The following OSBPL6 variants were observed in gnomAD, a reference collection of about 807,000 sequenced individuals.
OSBPL6 encodes oxysterol-binding protein-related protein 6.
A neutral mutation model predicts 125.8 loss-of-function variants in OSBPL6; 49 were observed. The ratio of observed to expected loss-of-function variants is 0.39; its 90% CI spans 0.31 to 0.49. The LOEUF is 0.49. OSBPL6 is among the 20% of genes least tolerant of loss of function. The probability of loss-of-function intolerance (pLI) is 0.88; values close to 1 mark genes in which losing one functional copy is unlikely to be tolerated. For missense variants in OSBPL6, 986 were observed against 1,135.4 expected (o/e 0.87, Z 1.89); for synonymous variants, 394 against 391.8 (o/e 1.01, Z -0.07).
At chr2:178,372,021 T>TAAGAACA in intron 13 of OSBPL6, 105 bp from the exon 14 acceptor site, 1 of 799,756 alleles carries the variant, frequency 1.3e-6, no homozygotes, top group Non-Finnish European at 2.0e-6. Context: ...AAGTTAGAGC[T>TAAGAACA]AAGAACATCA....
At chr2:178,296,078 A>T (rs181978755) in intron 2 of OSBPL6, among the ~76,000 whole-genome samples, 43 of 152,296 alleles carry the variant, frequency 2.8e-4, no homozygotes, top group African/African-American at 9.9e-4. Flanking sequence ...GTGTTAGGCC[A>T]GTGAAGAATG....
intron 19 of OSBPL6, among the ~76,000 whole-genome samples, 163 bp downstream of exon 19, chr2:178,385,684 C>T (rs1361583691): frequency 6.6e-6 from 1 of 152,178 alleles, no homozygotes; most frequent in Non-Finnish European, 1.5e-5. Context: ...TTCCTGGTTT[C>T]AACATGAAAC....
At chr2:178,358,543 CA>C (rs1288011847) in intron 12 of OSBPL6, among the ~76,000 whole-genome samples, 1 of 152,010 alleles carries the variant, frequency 6.6e-6, no homozygotes, top group Non-Finnish European at 1.5e-5. Context: ...ACCAGATTTC[CA>C]CATGTAAAAG....
At chr2:178,294,903 TCTA>T (rs1685608996) in intron 2 of OSBPL6, among the ~76,000 whole-genome samples, 2 of 147,338 alleles carry the variant, frequency 1.4e-5, no homozygotes, top group South Asian at 4.3e-4. Context: ...ACATGTAAAA[TCTA>T]CTCTCTTAGC....
At chr2:178,344,229 TC>T (rs1690485574) in intron 11 of OSBPL6, 1 of 1,423,280 alleles carries the variant, frequency 7.0e-7, no homozygotes, top group Admixed American at 1.7e-5. Flanking sequence ...CCTCCCATCT[TC>T]CATCCTTTCC....
chr2:178,301,075 C>T (rs983609531), intron 2 of OSBPL6, among the ~76,000 whole-genome samples: 1 of 151,680 alleles, frequency 6.6e-6, no homozygotes, highest in Non-Finnish European at 1.5e-5. Context: ...ATTTTTTGAA[C>T]AATTCAACCT....
intron 1 of OSBPL6, among the ~76,000 whole-genome samples, chr2:178,264,649 A>G (rs1056135568): frequency 1.3e-5 from 2 of 152,216 alleles, no homozygotes; most frequent in Non-Finnish European, 2.9e-5. Context: ...GTGTATTTTC[A>G]GGCCCCTTAC....
chr2:178,290,237 A>G (rs1388971847), intron 2 of OSBPL6, among the ~76,000 whole-genome samples: 1 of 152,174 alleles, frequency 6.6e-6, no homozygotes, highest in African/African-American at 2.4e-5. Flanking sequence ...TACAGTTCAT[A>G]TAGGAAGGGC....
intron 1 of OSBPL6, among the ~76,000 whole-genome samples, chr2:178,267,452 C>T (rs919016152): frequency 1.3e-5 from 2 of 151,794 alleles, no homozygotes; most frequent in African/African-American, 4.8e-5. Flanking sequence ...TCACTTCTCC[C>T]ATACTCTTAA....
chr2:178,284,986 T>C lies in OSBPL6; in HGVS notation c.-291T>C, dbSNP rs62179164. 52,692 of 398,318 alleles carry C rather than the reference T, an allele frequency of 0.13. 3,977 individuals are homozygous for C. The highest frequency in any genetic ancestry group is 0.22 in the Admixed American group (5,067 of 22,702). 24.7% of individuals were successfully genotyped at this position (398,318 alleles called of 1,614,324 possible). Reference sequence around the variant, plus strand: ...GATATTAAGGAGCCACCCCTATAATTTACCCAGATAGCCCCAGCAAGGTCA... The same window carrying C: ...GATATTAAGGAGCCACCCCTATAATCTACCCAGATAGCCCCAGCAAGGTCA... On this transcript the variant is annotated 5_prime_UTR_variant, in exon 2 of 25. Transcript: ENST00000190611.
At chr2:178,236,156 A>G (rs926930620) in intron 1 of OSBPL6, among the ~76,000 whole-genome samples, 18 of 152,120 alleles carry the variant, frequency 1.2e-4, no homozygotes, top group African/African-American at 3.9e-4. Context: ...TCCCTTTAAG[A>G]TGATAGAACA....
intron 6 of OSBPL6, 124 bp downstream of exon 6, chr2:178,331,729 AT>A: frequency 1.0e-6 from 1 of 983,208 alleles, no homozygotes; most frequent in Non-Finnish European, 1.6e-6. Flanking sequence ...GGCCTGTAAG[AT>A]TTCACAAGCT....
chr2:178,349,302 A>G lies in OSBPL6; in HGVS notation c.1066A>G (p.Thr356Ala). ...CCTTTGTGCAGATATTGAATTTCAGACTCCCCCTAGCCACCTCACTGACCC... is the reference window on the plus strand; with the variant it reads ...CCTTTGTGCAGATATTGAATTTCAGGCTCCCCCTAGCCACCTCACTGACCC... ...PNLCADIEFQ[T>A]PPSHLTDPLE... Residue 356 changes from threonine (T) to alanine (A), a missense_variant, in exon 12 of 25, where the codon ACT (threonine) becomes GCT (alanine). By Grantham distance (58) the Thr-to-Ala change is moderately conservative. Coordinates refer to ENST00000190611, the MANE Select transcript of OSBPL6 (RefSeq NM_032523.4). The G allele has an allele frequency of 6.2e-7, 1 of 1,613,852 alleles. No individual in the cohort carries two copies. Among genetic ancestry groups the G allele is most frequent in the Non-Finnish European group, 8.5e-7 (1 of 1,179,922 alleles).
intron 1 of OSBPL6, among the ~76,000 whole-genome samples, chr2:178,262,791 A>C (rs1398998504): frequency 6.6e-6 from 1 of 152,198 alleles, no homozygotes; most frequent in Non-Finnish European, 1.5e-5. Flanking sequence ...TCATCATCCT[A>C]GTGACCAGTG....
At chr2:178,379,285 A>AAGAAAAGAAAGAAAG in intron 15 of OSBPL6, among the ~76,000 whole-genome samples, 1 of 141,936 alleles carries the variant, frequency 7.0e-6, no homozygotes, top group Non-Finnish European at 1.5e-5. Context: ...GAAAGAAAGA[A>AAGAAAAGAAAGAAAG]AAGAAAGAAA....
chr2:178,309,542 T>C (rs1178283524), intron 3 of OSBPL6, among the ~76,000 whole-genome samples: 2 of 152,228 alleles, frequency 1.3e-5, no homozygotes, highest in Non-Finnish European at 2.9e-5. Flanking sequence ...TTAGATAGCA[T>C]AATTGGTAAA....
intron 2 of OSBPL6, among the ~76,000 whole-genome samples, chr2:178,300,254 G>A (rs1265895655): frequency 6.6e-6 from 1 of 152,116 alleles, no homozygotes; most frequent in Non-Finnish European, 1.5e-5. Flanking sequence ...GCGTTCCAAG[G>A]GATGGGCAGG....
intron 12 of OSBPL6, among the ~76,000 whole-genome samples, chr2:178,353,963 C>G (rs1021867970): frequency 1.1e-4 from 17 of 152,114 alleles, no homozygotes; most frequent in African/African-American, 4.1e-4. Context: ...AATTTTCAAC[C>G]CAGAATTTCA....
At chr2:178,298,960 T>C (rs1296224468) in intron 2 of OSBPL6, among the ~76,000 whole-genome samples, 1 of 152,144 alleles carries the variant, frequency 6.6e-6, no homozygotes, top group Non-Finnish European at 1.5e-5. Flanking sequence ...GATTTATGAG[T>C]CATCATTTAA....
Sources: allele counts gnomAD v4.1 joint callset (sites outside exome capture counted in the v4.1 genomes callset), GRCh38; gene constraint gnomAD v4.1.1; transcripts MANE v1.5; gene names NCBI Gene and HGNC (gene_info 2026-07-23, HGNC 2026-07-21).